BLTP3A: variants seen among roughly 807,000 people sequenced by gnomAD.
BLTP3A encodes the protein ICBP90 binding protein 1.
the BLTP3A span, among the ~76,000 whole-genome samples, chr6:34,833,608 T>A: frequency 6.6e-6 from 1 of 152,000 alleles, no homozygotes; most frequent in Non-Finnish European, 1.5e-5. Flanking sequence ...CCTCTTTTAT[T>A]CCATTCTTAA....
the BLTP3A span, among the ~76,000 whole-genome samples, chr6:34,833,002 A>G: frequency 1.3e-5 from 2 of 152,154 alleles, no homozygotes; most frequent in African/African-American, 4.8e-5. Context: ...CTTCACATCT[A>G]GAGGGACTTT....
At chr6:34,825,917 C>A in the BLTP3A span, among the ~76,000 whole-genome samples, 1 of 151,706 alleles carries the variant, frequency 6.6e-6, no homozygotes, top group Non-Finnish European at 1.5e-5. Context: ...ACTTTTCTTT[C>A]TCTTGGGTAA....
At chr6:34,829,944 A>G in the BLTP3A span, among the ~76,000 whole-genome samples, 1 of 152,064 alleles carries the variant, frequency 6.6e-6, no homozygotes, top group Admixed American at 6.6e-5. Context: ...AGCTGGAACT[A>G]TAGGCACCTG....
the BLTP3A span, chr6:34,858,714 A>G: frequency 6.2e-7 from 1 of 1,614,232 alleles, no homozygotes; most frequent in South Asian, 1.1e-5. Flanking sequence ...GCTTATCAGG[A>G]CTTACAGAAG....
At chr6:34,807,114 C>G in the BLTP3A span, among the ~76,000 whole-genome samples, 39 of 152,234 alleles carry the variant, frequency 2.6e-4, no homozygotes, top group African/African-American at 9.1e-4. Flanking sequence ...TAGAGTTTAT[C>G]AATTATTGTC....
chr6:34,858,523 C>A, the BLTP3A span: 4 of 1,614,146 alleles, frequency 2.5e-6, no homozygotes, highest in African/African-American at 4.0e-5. Context: ...AGCCCCCTTC[C>A]CCCTGTCCAT....
At chr6:34,834,565 C>G in the BLTP3A span, among the ~76,000 whole-genome samples, 1 of 152,150 alleles carries the variant, frequency 6.6e-6, no homozygotes, top group African/African-American at 2.4e-5. Context: ...ACATCCTTTC[C>G]TCAATTATGG....
the BLTP3A span, among the ~76,000 whole-genome samples, chr6:34,867,009 C>T: frequency 1.3e-5 from 2 of 152,254 alleles, no homozygotes; most frequent in African/African-American, 4.8e-5. Flanking sequence ...CTTCTGTTTA[C>T]AGACTTTTAA....
At chr6:34,856,431 G>T in the BLTP3A span, 1 of 1,606,580 alleles carries the variant, frequency 6.2e-7, no homozygotes, top group South Asian at 1.1e-5. Flanking sequence ...GGAACTGGAA[G>T]ACTCCAGTTG....
At chr6:34,866,153 C>T in the BLTP3A span, among the ~76,000 whole-genome samples, 6 of 152,306 alleles carry the variant, frequency 3.9e-5, no homozygotes, top group South Asian at 4.1e-4. Flanking sequence ...GTACCTCACG[C>T]GTGTAATCCC....
chr6:34,815,799 T>A, the BLTP3A span, among the ~76,000 whole-genome samples: 2 of 151,926 alleles, frequency 1.3e-5, no homozygotes, highest in African/African-American at 2.4e-5. Flanking sequence ...TGCCTCACCA[T>A]GGCCCGGCTA....
chr6:34,853,997 G>C, the BLTP3A span, among the ~76,000 whole-genome samples: 3 of 152,156 alleles, frequency 2.0e-5, no homozygotes, highest in Non-Finnish European at 2.9e-5. Context: ...GCCGAGGTGG[G>C]TGGATCACGA....
the BLTP3A span, among the ~76,000 whole-genome samples, chr6:34,832,293 T>C: frequency 6.6e-6 from 1 of 151,858 alleles, no homozygotes; most frequent in Non-Finnish European, 1.5e-5. Context: ...GCTAATTTTT[T>C]CTATTTTTTG....
At chr6:34,856,596 A>G in the BLTP3A span, among the ~76,000 whole-genome samples, 1 of 152,190 alleles carries the variant, frequency 6.6e-6, no homozygotes, top group Non-Finnish European at 1.5e-5. Context: ...ATGTCATGTC[A>G]TCATTTCTAT....
the BLTP3A span, chr6:34,871,683 C>T: frequency 3.7e-6 from 6 of 1,614,050 alleles, no homozygotes; most frequent in Non-Finnish European, 5.1e-6. Flanking sequence ...TGGTGTGTTC[C>T]ACATAGGCGG....
chr6:34,818,651 T>C, the BLTP3A span, among the ~76,000 whole-genome samples: 1 of 152,142 alleles, frequency 6.6e-6, no homozygotes, highest in Admixed American at 6.6e-5. Flanking sequence ...ATAAGCGTTA[T>C]CCATACAGTT....
the BLTP3A span, among the ~76,000 whole-genome samples, chr6:34,816,426 A>G: frequency 1.3e-5 from 2 of 152,032 alleles, no homozygotes; most frequent in Admixed American, 1.3e-4. Flanking sequence ...CCTGGGTAAC[A>G]AAGGGAGACC....
the BLTP3A span, among the ~76,000 whole-genome samples, chr6:34,808,620 G>A: frequency 6.6e-6 from 1 of 151,666 alleles, no homozygotes; most frequent in East Asian, 1.9e-4. Context: ...ATCTCACTCT[G>A]TTGCCCAGGC....
chr6:34,817,872 G>A, the BLTP3A span, among the ~76,000 whole-genome samples: 1 of 150,282 alleles, frequency 6.7e-6, no homozygotes, highest in Non-Finnish European at 1.5e-5. Flanking sequence ...TTTTTTTGGG[G>A]GGGTGGAGTC....
Sources: gnomAD v4.1 joint callset for allele counts (sites outside exome capture counted in the v4.1 genomes callset) on GRCh38, gnomAD v4.1.1 for gene constraint, MANE v1.5 for transcripts, NCBI Gene and HGNC (gene_info 2026-07-23, HGNC 2026-07-21) for gene names.